The following ZNF316 variants were observed in gnomAD, a reference collection of about 807,000 sequenced individuals.
ZNF316 encodes zinc finger protein 316.
In ZNF316, 23 loss-of-function variants were observed where a neutral mutation model predicts 75.6. The observed-to-expected ratio is 0.30, with a 90% CI of 0.22 to 0.43. The LOEUF is 0.43. Ranked by LOEUF, ZNF316 falls within the 20% of genes least tolerant of loss-of-function variation. The pLI is 1.00. For missense variants in ZNF316, 1,266 were observed against 1,409.4 expected, an observed-to-expected ratio of 0.90 and a Z score of 1.63; for synonymous variants, 827 against 666.2, an observed-to-expected ratio of 1.24 and a Z score of -3.72.
Position 6,652,665 on chromosome 7 carries a change from C to T in ZNF316, c.1069C>T (p.Arg357Cys). 8.1e-7 allele frequency: 1 copy of T among 1,232,282 alleles called. No individual in the cohort carries two copies. Among genetic ancestry groups the T allele is most frequent in the Non-Finnish European group, 1.0e-6 (1 of 987,910 alleles). 76.3% of individuals were successfully genotyped at this position (1,232,282 alleles called of 1,614,324 possible). ...CGTGTGCGGCAAGGTCTTCCCGCAC[C>T]GCTCGCGGCTGGCCAAGCACCAGCG... ...CDVCGKVFPH[R>C]SRLAKHQRYH... The change falls in exon 9 of 9, where the codon CGC (arginine) becomes TGC (cysteine). Residue 357 changes from arginine to cysteine, a missense_variant. Around this residue, in one of 3 missense-constraint regions of ZNF316, gnomAD observed 961 missense variants for 990.9 expected, o/e 0.97. Coordinates refer to ENST00000382252, the MANE Select transcript of ZNF316 (RefSeq NM_001278559.2).
In ZNF316 at chr7:6,652,617, G is replaced by T. The variant is rs780722010; in HGVS notation, c.1021G>T (p.Gly341Trp). Residue 341 changes from glycine to tryptophan, a missense_variant, in exon 9 of 9, where the codon GGG (glycine) becomes TGG (tryptophan). Gly to Trp is a radical substitution (Grantham distance 184, BLOSUM62 -2). This residue lies in a region of ZNF316 where 961 missense variants were observed against 990.9 expected (regional missense o/e 0.97). Coordinates refer to ENST00000382252, the MANE Select transcript of ZNF316 (RefSeq NM_001278559.2). ...AFPAAVAPPA[G>W]RPETTCDVCG... ...CCCCGCCGCAGTGGCCCCGCCGGCC[G>T]GGAGGCCGGAGACCACGTGCGACGT... 1.5e-5 allele frequency: 18 copies of T among 1,230,286 alleles called. No individual in the cohort carries two copies. Among genetic ancestry groups the T allele is most frequent in the Non-Finnish European group, 1.7e-5 (17 of 987,008 alleles). The allele number at this position is 1,230,286 out of a possible 1,614,324, so 76.2% of individuals were successfully genotyped here. A position where few individuals can be genotyped will look rare whatever the true frequency, so the allele number is the denominator to read the frequency against.
chr7:6,643,091 T>C lies in ZNF316; in HGVS notation c.465+18T>C, dbSNP rs538297040. ...GGTGTCAGGTGAGCCGCCCTCTCCG[T>C]TTGGGGCTTGGGTAACCTGGGCAGG... is the stretch of plus-strand genomic sequence containing the variant. On this transcript the variant is annotated intron_variant, in intron 6 of 8. Transcript: ENST00000382252. 1,119 of 1,233,526 alleles carry C rather than the reference T, an allele frequency of 9.1e-4. 1 individual carries two copies. The highest frequency in any genetic ancestry group is 2.1e-3 in the Admixed American group (50 of 23,726). 76.4% of individuals were successfully genotyped at this position (1,233,526 alleles called of 1,614,324 possible).
In ZNF316 at chr7:6,642,955, T is replaced by G. The variant is rs1444545604; in HGVS notation, c.356-9T>G. 1.6e-6 allele frequency: 2 copies of G among 1,230,904 alleles called. No homozygotes were observed. The highest frequency in any genetic ancestry group is 3.2e-5 in the East Asian group (1 of 31,500). The allele number at this position is 1,230,904 out of a possible 1,614,324, so 76.2% of individuals were successfully genotyped here. On this transcript the variant is annotated splice_polypyrimidine_tract_variant and intron_variant, in intron 5 of 8. Transcript: ENST00000382252. The surrounding 1 kb of genome is among the most constrained non-coding windows in gnomAD (Gnocchi z 8.1). ...AGGGCAGCTGGCCCTAAGAGATCTC[T>G]CCCCACAGGCCTGCAGGCCTCCCGG...
chr7:6,644,128 C>T (rs987837567), intron 7 of ZNF316, among the ~76,000 whole-genome samples, 180 bp downstream of exon 7: 3 of 152,186 alleles, frequency 2.0e-5, no homozygotes, highest in African/African-American at 7.2e-5. Flanking sequence ...GGGGATGTCA[C>T]TGGCCAGGCA....
At chr7:6,648,025 C>A (rs1779439921) in intron 8 of ZNF316, among the ~76,000 whole-genome samples, 1 of 152,200 alleles carries the variant, frequency 6.6e-6, no homozygotes, top group Non-Finnish European at 1.5e-5. Context: ...CCACTGCCTC[C>A]CACACAGTTA....
At chr7:6,641,988 C>T (rs940870) in intron 4 of ZNF316, 26 bp downstream of exon 4, 39,607 of 158,784 alleles carry the variant, frequency 0.25, 5,605 homozygotes, top group East Asian at 0.51. Context: ...TCCTGTGTAT[C>T]AGGTGGGCTT....
chr7:6,644,608 A>G lies in ZNF316; in HGVS notation c.706+15A>G. The G allele has an allele frequency of 1.6e-6, 2 of 1,225,056 alleles. No homozygotes were observed. Among genetic ancestry groups the G allele is most frequent in the Non-Finnish European group, 2.0e-6 (2 of 981,460 alleles). The allele number at this position is 1,225,056 out of a possible 1,614,324, so 75.9% of individuals were successfully genotyped here. ...CGTCTACACAGGTGAGCGTGGATGGAATTTTGCGGTTTGTGCCGATAGCTT... is the reference window on the plus strand; with the variant it reads ...CGTCTACACAGGTGAGCGTGGATGGGATTTTGCGGTTTGTGCCGATAGCTT... On this transcript the variant is annotated intron_variant, in intron 8 of 8. Transcript: ENST00000382252.
At chr7:6,649,208 TC>T (rs1263087245) in intron 8 of ZNF316, among the ~76,000 whole-genome samples, 6 of 152,160 alleles carry the variant, frequency 3.9e-5, no homozygotes, top group Non-Finnish European at 7.4e-5. Context: ...TGGTCCCTCT[TC>T]CGGAAGCCTA....
In ZNF316 at chr7:6,655,733, G is replaced by C. The variant is rs1779611750; in HGVS notation, c.*1122G>C. 1 of 152,272 alleles carries C rather than the reference G, an allele frequency of 6.6e-6. No homozygotes were observed. Among genetic ancestry groups the C allele is most frequent in the African/African-American group, 2.4e-5 (1 of 41,458 alleles). The allele number at this position is 152,272 out of a possible 1,614,324, so 9.4% of individuals were successfully genotyped here. A position where few individuals can be genotyped will look rare whatever the true frequency, so the allele number is the denominator to read the frequency against. On this transcript the variant is annotated 3_prime_UTR_variant, in exon 9 of 9. Transcript: ENST00000382252. ...TGTTTAGAGTCCCATTTCACAAATT[G>C]GTTAGTGGAGGCACCCGTGGCCTGG... is the stretch of plus-strand genomic sequence containing the variant.
In ZNF316 at chr7:6,653,189, G is replaced by A; in HGVS notation, c.1593G>A (p.Glu531=). Residue 531 remains glutamate (E), a synonymous_variant, in exon 9 of 9, where the codon GAG becomes GAA. Coordinates refer to ENST00000382252, the MANE Select transcript of ZNF316 (RefSeq NM_001278559.2). ...PGETAAAAGP[E]DTDPGPEGSE... ...AGACGGCGGCCGCCGCGGGGCCCGA[G>A]GACACGGACCCTGGGCCAGAGGGAT... 2.5e-6 allele frequency: 3 copies of A among 1,215,950 alleles called. No individual in the cohort carries two copies. The highest frequency in any genetic ancestry group is 2.0e-6 in the Non-Finnish European group (2 of 978,074). The allele number at this position is 1,215,950 out of a possible 1,614,324, so 75.3% of individuals were successfully genotyped here.
chr7:6,644,175 C>T (rs1422494293), intron 7 of ZNF316, among the ~76,000 whole-genome samples: 2 of 152,098 alleles, frequency 1.3e-5, no homozygotes, highest in East Asian at 3.9e-4. Flanking sequence ...TGGAGGCTGT[C>T]TGTCTCTGGT....
At position 6,653,231 on chromosome 7, in the gene ZNF316, G is replaced by A. The variant is rs1385071354; in HGVS notation, c.1635G>A (p.Ala545=). 2.4e-6 allele frequency: 3 copies of A among 1,225,334 alleles called. No homozygotes were observed. Among genetic ancestry groups the A allele is most frequent in the Non-Finnish European group, 3.0e-6 (3 of 984,182 alleles). 75.9% of individuals were successfully genotyped at this position (1,225,334 alleles called of 1,614,324 possible). The part of the protein sequence containing the change: ...PGPEGSEVGE[A]DGEAEAAAEE... ...CAGAGGGATCTGAAGTTGGCGAGGC[G>A]GACGGAGAGGCGGAGGCCGCGGCCG... The change falls in exon 9 of 9, where the codon GCG becomes GCA. Residue 545 remains alanine (A), a synonymous_variant. Coordinates refer to ENST00000382252, the MANE Select transcript of ZNF316 (RefSeq NM_001278559.2).
rs1036481114 is a variant in ZNF316, at chr7:6,653,554, T to TCGG, written c.1968_1970dup (p.Gly657dup). ...GGTACCGGGCTGGCGTGCGACCCTTTCGGCGGCGGCGGGGCCGCGGGCGGC... is the reference window on the plus strand; with the variant it reads ...GGTACCGGGCTGGCGTGCGACCCTTTCGGCGGCGGCGGCGGGGCCGCGGGCGGC... On this transcript the variant is annotated inframe_insertion, in exon 9 of 9. Transcript: ENST00000382252. The TCGG allele has an allele frequency of 5.8e-5, 68 of 1,178,350 alleles. No individual in the cohort carries two copies. In the Admixed American group the frequency reaches 2.4e-3, roughly 41 times the overall value. The allele number at this position is 1,178,350 out of a possible 1,614,324, so 73.0% of individuals were successfully genotyped here.
In ZNF316 at chr7:6,649,966, C is replaced by T. The variant is rs1295102111; in HGVS notation, c.707-2337C>T. Among the ~76,000 whole-genome samples the T allele has an allele frequency of 8.5e-5, 13 of 152,156 alleles. 1 individual carries two copies. Among genetic ancestry groups the T allele is most frequent in the Admixed American group, 8.5e-4 (13 of 15,276 alleles). On this transcript the variant is annotated intron_variant, in intron 8 of 8. Coordinates refer to ENST00000382252, the MANE Select transcript of ZNF316 (RefSeq NM_001278559.2). ...TCTGGGCAGCTGAGACTTCTGTGGG[C>T]AAGGCCGCCCTTGGCCTGGGAGTCC...
Position 6,657,621 on chromosome 7 carries a change from G to A in ZNF316, c.*3010G>A, listed in dbSNP as rs976565081. Among the ~76,000 whole-genome samples, 1 of 151,962 alleles carries A rather than the reference G, an allele frequency of 6.6e-6. No individual in the cohort carries two copies. Among genetic ancestry groups the A allele is most frequent in the Non-Finnish European group, 1.5e-5 (1 of 67,992 alleles). On this transcript the variant is annotated 3_prime_UTR_variant, in exon 9 of 9. Coordinates refer to ENST00000382252, the MANE Select transcript of ZNF316 (RefSeq NM_001278559.2). Reference sequence around the variant, plus strand: ...CAAGGCGGATCCCTTGAGCTCAGATGGATTCCTTGAGCTCAGGAGTTCGAG... The same window carrying A: ...CAAGGCGGATCCCTTGAGCTCAGATAGATTCCTTGAGCTCAGGAGTTCGAG...
intron 2 of ZNF316, among the ~76,000 whole-genome samples, chr7:6,638,838 G>A (rs886634163): frequency 1.3e-5 from 2 of 152,208 alleles, no homozygotes; most frequent in Non-Finnish European, 2.9e-5. Flanking sequence ...GTTGGATGCC[G>A]AGGGAGAAGT....
Position 6,653,662 on chromosome 7 carries a change from G to C in ZNF316, c.2066G>C (p.Ser689Thr), listed in dbSNP as rs1444165377. The C allele has an allele frequency of 9.3e-7, 1 of 1,075,308 alleles. No homozygotes were observed. Among genetic ancestry groups the C allele is most frequent in the Non-Finnish European group, 1.1e-6 (1 of 886,274 alleles). The allele number at this position is 1,075,308 out of a possible 1,614,324, so 66.6% of individuals were successfully genotyped here. The change falls in exon 9 of 9, where the codon AGC (serine) becomes ACC (threonine). Residue 689 changes from serine (S) to threonine (T), a missense_variant. Ser to Thr is a moderately conservative substitution (Grantham distance 58, BLOSUM62 1). Coordinates refer to ENST00000382252, the MANE Select transcript of ZNF316 (RefSeq NM_001278559.2). ...CCGGCCGCGCTGGCGGAGGAGGAGA[G>C]CCCGTGGATCTGCTCGGACTGCGGC... is the stretch of plus-strand genomic sequence containing the variant. Reference protein sequence around the residue: ...PAPAALAEEESPWICSDCGKT... With the variant: ...PAPAALAEEETPWICSDCGKT...
In ZNF316 at chr7:6,642,053, T is replaced by A; in HGVS notation, c.-29+91T>A. The A allele has an allele frequency of 5.0e-6, 1 of 199,686 alleles. No individual in the cohort carries two copies. The allele number at this position is 199,686 out of a possible 1,614,324, so 12.4% of individuals were successfully genotyped here. On this transcript the variant is annotated intron_variant, in intron 4 of 8. Coordinates refer to ENST00000382252, the MANE Select transcript of ZNF316 (RefSeq NM_001278559.2). This position sits in a 1 kb window ranked among gnomAD's most constrained non-coding sequence, Gnocchi z 8.1. ...GGGCTGTGTGATGCTTCCTTGTGGATAAAGACTGGGATAAATGCCTGATTT... is the reference window on the plus strand; with the variant it reads ...GGGCTGTGTGATGCTTCCTTGTGGAAAAAGACTGGGATAAATGCCTGATTT...
chr7:6,656,099 A>G lies in ZNF316; in HGVS notation c.*1488A>G. On this transcript the variant is annotated 3_prime_UTR_variant, in exon 9 of 9. Transcript: ENST00000382252. ...GCTGGGGGCGGGTAGGAGGCACGGTAGTTGGTGGGTGGGAAGAGGGCCTGG... is the reference window on the plus strand; with the variant it reads ...GCTGGGGGCGGGTAGGAGGCACGGTGGTTGGTGGGTGGGAAGAGGGCCTGG... The G allele has an allele frequency of 6.6e-6, 1 of 152,336 alleles. No homozygotes were observed. The highest frequency in any genetic ancestry group is 6.6e-5 in the Admixed American group (1 of 15,258). The allele number at this position is 152,336 out of a possible 1,614,324, so 9.4% of individuals were successfully genotyped here.
Sources: allele counts gnomAD v4.1 joint callset (sites outside exome capture counted in the v4.1 genomes callset), GRCh38; gene constraint gnomAD v4.1.1; regional missense constraint gnomAD v4.1.1; non-coding constraint Gnocchi (gnomAD v3.1); transcripts MANE v1.5; gene names NCBI Gene and HGNC (gene_info 2026-07-23, HGNC 2026-07-21).